Variants in KCNC2 observed in about 807,000 individuals in gnomAD.
KCNC2 encodes voltage-gated potassium channel KCNC2.
KCNC2 carries 21 observed loss-of-function variants against 44.5 expected under a neutral mutation model. The ratio of observed to expected loss-of-function variants is 0.47; its 90% CI spans 0.33 to 0.68. The LOEUF is 0.68. Ranked by LOEUF, KCNC2 falls within the 30% of genes least tolerant of loss-of-function variation. The probability of loss-of-function intolerance (pLI) is 0.01; values close to 1 mark genes in which losing one functional copy is unlikely to be tolerated. For synonymous variants in KCNC2, 391 were observed against 339.1 expected, an observed-to-expected ratio of 1.15 and a Z score of -1.68; for missense variants, 589 against 826.2, an observed-to-expected ratio of 0.71 and a Z score of 3.52.
chr12:75,195,223 C>T (rs2030659472), intron 2 of KCNC2, among the ~76,000 whole-genome samples: 1 of 152,096 alleles, frequency 6.6e-6, no homozygotes, highest in African/African-American at 2.4e-5. Flanking sequence ...GATTGCTTAT[C>T]TCACTAACTT....
At chr12:75,122,553 G>A (rs1009301104) in intron 2 of KCNC2, among the ~76,000 whole-genome samples, 1 of 152,128 alleles carries the variant, frequency 6.6e-6, no homozygotes, top group Non-Finnish European at 1.5e-5. Flanking sequence ...GATAAGGAAA[G>A]TAGAATTCAT....
intron 2 of KCNC2, among the ~76,000 whole-genome samples, chr12:75,177,404 G>A (rs1296607528): frequency 6.6e-6 from 1 of 151,920 alleles, no homozygotes; most frequent in Non-Finnish European, 1.5e-5. Flanking sequence ...TGAATTGGAA[G>A]GAACTTTTGG....
chr12:75,187,600 A>G (rs1400453071), intron 2 of KCNC2, among the ~76,000 whole-genome samples: 1 of 152,182 alleles, frequency 6.6e-6, no homozygotes, highest in African/African-American at 2.4e-5. Context: ...CGAAGGCCAA[A>G]GAGAGTGATT....
chr12:75,113,113 G>T (rs1428192415), intron 2 of KCNC2, among the ~76,000 whole-genome samples: 1 of 152,088 alleles, frequency 6.6e-6, no homozygotes, highest in East Asian at 1.9e-4. Flanking sequence ...AAAGTGAGAA[G>T]CATCTTGTAG....
At chr12:75,112,547 C>T (rs1473728092) in intron 2 of KCNC2, among the ~76,000 whole-genome samples, 1 of 151,892 alleles carries the variant, frequency 6.6e-6, no homozygotes, top group Non-Finnish European at 1.5e-5. Flanking sequence ...CTTCTTTTTA[C>T]TTATTTATCT....
At chr12:75,092,884 C>A (rs1299819455) in intron 2 of KCNC2, among the ~76,000 whole-genome samples, 1 of 151,432 alleles carries the variant, frequency 6.6e-6, no homozygotes, top group Non-Finnish European at 1.5e-5. Context: ...TGTGGATAAG[C>A]TTATTATATT....
At chr12:75,189,392 G>A (rs182104802) in intron 2 of KCNC2, among the ~76,000 whole-genome samples, 2 of 152,298 alleles carry the variant, frequency 1.3e-5, no homozygotes, top group African/African-American at 4.8e-5. Flanking sequence ...TCACAGAACT[G>A]AGGGAAGAAA....
chr12:75,042,486 GA>G lies in KCNC2; in HGVS notation c.*618del, dbSNP rs1880023137. 2.1e-6 allele frequency: 3 copies of G among 1,446,302 alleles called. No individual in the cohort carries two copies. The highest frequency in any genetic ancestry group is 2.6e-5 in the East Asian group (1 of 38,668). 89.6% of individuals were successfully genotyped at this position (1,446,302 alleles called of 1,614,324 possible). On this transcript the variant is annotated 3_prime_UTR_variant, in exon 5 of 5. Transcript: ENST00000549446. ...AACATATATTTCTTTCAAATAATAA[GA>G]AAAAAATGTCAAGGAGAAAAGTGCC...
intron 2 of KCNC2, among the ~76,000 whole-genome samples, chr12:75,053,791 T>C (rs1178555062): frequency 6.8e-6 from 1 of 147,604 alleles, no homozygotes; most frequent in Non-Finnish European, 1.5e-5. Flanking sequence ...TTTTATTATA[T>C]ATAACATATA....
In KCNC2 at chr12:75,041,807, T is replaced by C. The variant is rs1177803137; in HGVS notation, c.*1298A>G. The stretch of plus-strand genomic sequence containing the variant: ...ATTAACTTAGGTAGTCTACAGAGCA[T>C]CATTAATTTATACACAAAGCAGAGA... On this transcript the variant is annotated 3_prime_UTR_variant, in exon 5 of 5. Transcript: ENST00000549446. 1.0e-6 allele frequency: 1 copy of C among 989,200 alleles called. No individual in the cohort carries two copies. 61.3% of individuals were successfully genotyped at this position (989,200 alleles called of 1,614,324 possible).
chr12:75,076,408 G>A (rs1192335400), intron 2 of KCNC2, among the ~76,000 whole-genome samples: 1 of 152,100 alleles, frequency 6.6e-6, no homozygotes, highest in Non-Finnish European at 1.5e-5. Context: ...GAGTAGCTGG[G>A]ACTAGAGGCG....
At chr12:75,105,740 G>A (rs192697441) in intron 2 of KCNC2, among the ~76,000 whole-genome samples, 70 of 152,208 alleles carry the variant, frequency 4.6e-4, no homozygotes, top group Middle Eastern at 3.4e-3. Flanking sequence ...CATGAGATGG[G>A]GAAGACTTTT....
rs1365959719 is a variant in KCNC2, at chr12:75,207,803, G to A, written c.181C>T (p.Leu61=). 7 of 1,600,032 alleles carry A rather than the reference G, an allele frequency of 4.4e-6. No individual in the cohort carries two copies. Among genetic ancestry groups the A allele is most frequent in the Admixed American group, 3.4e-5 (2 of 58,488 alleles). The change falls in exon 2 of 5, where the codon CTG becomes TTG. Residue 61 remains leucine, a synonymous_variant. Transcript: ENST00000549446. This position sits in a 1 kb window ranked among gnomAD's most constrained non-coding sequence, Gnocchi z 4.1. ...GGGGGCGCTCTCGGCGGCGGCGACA[G>A]TGGAGGCGGCGACGGCTGCAGCTTG... ...GDKLQPSPPP[L]SPPPRAPPLS...
rs768187148 is a variant in KCNC2, at chr12:75,207,798, C to T, written c.186G>A (p.Ser62=). 76 of 1,597,588 alleles carry T rather than the reference C, an allele frequency of 4.8e-5. No homozygotes were observed. Among genetic ancestry groups the T allele is most frequent in the Non-Finnish European group, 6.0e-5 (71 of 1,173,968 alleles). The change falls in exon 2 of 5, where the codon TCG becomes TCA. Residue 62 remains serine, a synonymous_variant. Coordinates refer to ENST00000549446, the MANE Select transcript of KCNC2 (RefSeq NM_139137.4). The surrounding 1 kb of genome is among the most constrained non-coding windows in gnomAD (Gnocchi z 4.1). ...ACAGCGGGGGCGCTCTCGGCGGCGG[C>T]GACAGTGGAGGCGGCGACGGCTGCA... ...DKLQPSPPPL[S]PPPRAPPLSP...
chr12:75,069,061 A>C (rs1883117742), intron 2 of KCNC2, among the ~76,000 whole-genome samples: 1 of 152,036 alleles, frequency 6.6e-6, no homozygotes, highest in Non-Finnish European at 1.5e-5. Context: ...CATATGTGAA[A>C]ATACCTTAAA....
At chr12:75,162,371 A>G (rs1891175565) in intron 2 of KCNC2, among the ~76,000 whole-genome samples, 1 of 151,696 alleles carries the variant, frequency 6.6e-6, no homozygotes, top group African/African-American at 2.4e-5. Context: ...GTTGCTTTCA[A>G]CCTAATCATG....
intron 2 of KCNC2, among the ~76,000 whole-genome samples, chr12:75,172,599 A>G (rs969679305): frequency 6.6e-6 from 1 of 151,882 alleles, no homozygotes; most frequent in Non-Finnish European, 1.5e-5. Context: ...CTCACAAGCT[A>G]CTGATAAGTC....
chr12:75,053,026 T>C (rs1290052308), intron 2 of KCNC2, among the ~76,000 whole-genome samples: 1 of 151,900 alleles, frequency 6.6e-6, no homozygotes, highest in South Asian at 2.1e-4. Flanking sequence ...GTTTTCCCTT[T>C]GTACAAGTAA....
At chr12:75,087,321 TA>T (rs1257116068) in intron 2 of KCNC2, among the ~76,000 whole-genome samples, 2 of 152,072 alleles carry the variant, frequency 1.3e-5, no homozygotes, top group African/African-American at 2.4e-5. Context: ...ACCTTAGCAT[TA>T]GTACATGCTA....
Sources: gnomAD v4.1 joint callset for allele counts (sites outside exome capture counted in the v4.1 genomes callset) on GRCh38, gnomAD v4.1.1 for gene constraint, Gnocchi (gnomAD v3.1) non-coding constraint, MANE v1.5 for transcripts, NCBI Gene and HGNC (gene_info 2026-07-23, HGNC 2026-07-21) for gene names.